Variants in TCTN2 observed in about 807,000 individuals in gnomAD.
TCTN2 encodes tectonic family member 2, also known as tectonic-2.
TCTN2 carries 66 observed loss-of-function variants against 83.4 expected under a neutral mutation model. That is an observed-to-expected ratio of 0.79 (90% CI 0.65 to 0.97). The LOEUF (loss-of-function observed/expected upper bound fraction) is 0.97. Among genes scored for constraint, TCTN2 ranks in the 50% least tolerant of loss-of-function variants. The pLI, the probability that TCTN2 is intolerant of heterozygous loss-of-function variation, is 0.00. For synonymous variants in TCTN2, 301 were observed against 326.7 expected (o/e 0.92, Z 0.85); for missense variants, 794 against 858.1 (o/e 0.93, Z 0.93).
chr12:123,707,203 A>C, intron 17 of TCTN2, 130 bp downstream of exon 17: 12 of 792,228 alleles, frequency 1.5e-5, no homozygotes, highest in Non-Finnish European at 2.5e-5. Context: ...TAATATTGCC[A>C]CTTGGAAGTG....
chr12:123,679,465 G>A (rs1955867355), intron 5 of TCTN2, among the ~76,000 whole-genome samples, 176 bp downstream of exon 5: 1 of 151,906 alleles, frequency 6.6e-6, no homozygotes, highest in Non-Finnish European at 1.5e-5. Flanking sequence ...GGGCTCAAGT[G>A]ATTCTCTTAC....
At chr12:123,683,523 T>C (rs958496681) in intron 5 of TCTN2, among the ~76,000 whole-genome samples, 61 of 152,224 alleles carry the variant, frequency 4.0e-4, no homozygotes, top group Admixed American at 4.0e-3. Flanking sequence ...TCAAGTGATC[T>C]GCCCACCTTG....
At chr12:123,685,395 A>G (rs893772608) in intron 5 of TCTN2, among the ~76,000 whole-genome samples, 4 of 152,190 alleles carry the variant, frequency 2.6e-5, no homozygotes, top group African/African-American at 7.2e-5. Context: ...TGAAACAAGG[A>G]AAAATACAGA....
At chr12:123,700,416 GC>G (rs1415238976) in intron 14 of TCTN2, among the ~76,000 whole-genome samples, 1 of 152,016 alleles carries the variant, frequency 6.6e-6, no homozygotes. Context: ...ATTGCTTGAG[GC>G]CAGTTTTTTT....
chr12:123,693,234 C>T (rs925374588), intron 9 of TCTN2, among the ~76,000 whole-genome samples: 1 of 151,544 alleles, frequency 6.6e-6, no homozygotes, highest in African/African-American at 2.4e-5. Context: ...CCCTGTTGGT[C>T]AGGCTGGTCT....
At chr12:123,686,433 C>T (rs1955968309) in intron 5 of TCTN2, among the ~76,000 whole-genome samples, 1 of 152,136 alleles carries the variant, frequency 6.6e-6, no homozygotes. Flanking sequence ...GAACGTTTCC[C>T]CTCACTCTAA....
intron 9 of TCTN2, 111 bp from the exon 10 acceptor site, chr12:123,694,731 G>C: frequency 8.9e-7 from 1 of 1,125,280 alleles, no homozygotes; most frequent in Non-Finnish European, 1.3e-6. Flanking sequence ...GAGATAGGGA[G>C]GGCAGGGGCA....
chr12:123,689,961 C>T (rs966905360), intron 7 of TCTN2, among the ~76,000 whole-genome samples: 7 of 151,988 alleles, frequency 4.6e-5, no homozygotes, highest in Admixed American at 6.6e-5. Flanking sequence ...CCATTATACC[C>T]GGTTAATTTT....
chr12:123,696,369 T>C (rs771801673), intron 11 of TCTN2, 46 bp from the exon 12 acceptor site: 2 of 1,485,412 alleles, frequency 1.3e-6, no homozygotes, highest in Non-Finnish European at 1.9e-6. Context: ...TAGGGCTTGC[T>C]ATGCTGGAGG....
intron 9 of TCTN2, among the ~76,000 whole-genome samples, chr12:123,693,576 C>T (rs1197250371): frequency 6.6e-6 from 1 of 150,874 alleles, no homozygotes. Flanking sequence ...CCTCAGTCTC[C>T]CAAGTAGCTG....
In TCTN2 at chr12:123,697,208, T is replaced by A; in HGVS notation, c.1505+10T>A. The A allele has an allele frequency of 6.4e-7, 1 of 1,564,570 alleles. No homozygotes were observed. Among genetic ancestry groups the A allele is most frequent in the Non-Finnish European group, 8.8e-7 (1 of 1,134,706 alleles). On this transcript the variant is annotated intron_variant, in intron 13 of 17. Transcript: ENST00000303372. ...ATTGTACTCAGCTCAGGTGAGTGTT[T>A]CATTGATGAATATATCGGCAATGTG... is the stretch of plus-strand genomic sequence containing the variant.
chr12:123,687,133 A>G (rs1955981745), intron 6 of TCTN2, 98 bp downstream of exon 6: 2 of 1,398,698 alleles, frequency 1.4e-6, no homozygotes, highest in South Asian at 1.2e-5. Flanking sequence ...GTTTTTCCCA[A>G]CCCCTCTCCA....
intron 5 of TCTN2, among the ~76,000 whole-genome samples, chr12:123,684,710 T>C (rs888563279): frequency 2.0e-5 from 3 of 152,058 alleles, no homozygotes; most frequent in African/African-American, 7.2e-5. Flanking sequence ...AATATTGTGA[T>C]TTTTACACTA....
At chr12:123,702,219 C>T (rs1389152953) in intron 14 of TCTN2, among the ~76,000 whole-genome samples, 4 of 152,172 alleles carry the variant, frequency 2.6e-5, no homozygotes, top group Non-Finnish European at 4.4e-5. Flanking sequence ...AATGAGTGTG[C>T]GCATCTGCTT....
At chr12:123,685,335 TAAAC>T (rs1955951377) in intron 5 of TCTN2, among the ~76,000 whole-genome samples, 1 of 152,216 alleles carries the variant, frequency 6.6e-6, no homozygotes, top group Non-Finnish European at 1.5e-5. Context: ...CTACTGTCAA[TAAAC>T]AAAGATTCAG....
intron 15 of TCTN2, among the ~76,000 whole-genome samples, 200 bp from the exon 16 acceptor site, chr12:123,706,526 A>C (rs1956231675): frequency 6.6e-6 from 1 of 152,252 alleles, no homozygotes; most frequent in African/African-American, 2.4e-5. Flanking sequence ...AGGGGTTATT[A>C]GGAGTTTCTC....
At chr12:123,685,502 T>G (rs1955953467) in intron 5 of TCTN2, among the ~76,000 whole-genome samples, 1 of 152,150 alleles carries the variant, frequency 6.6e-6, no homozygotes, top group South Asian at 2.1e-4. Flanking sequence ...CACTGCAACC[T>G]CTGCCTCCTG....
At chr12:123,706,951 T>C in intron 16 of TCTN2, 34 bp from the exon 17 acceptor site, 1 of 1,613,334 alleles carries the variant, frequency 6.2e-7, no homozygotes, top group Non-Finnish European at 8.5e-7. Context: ...ACTTCTCACT[T>C]GTAGTTTTTG....
Position 123,707,747 on chromosome 12 carries a change from G to A in TCTN2, c.*34G>A. 6.4e-7 allele frequency: 1 copy of A among 1,558,762 alleles called. No homozygotes were observed. The highest frequency in any genetic ancestry group is 8.8e-7 in the Non-Finnish European group (1 of 1,130,316). On this transcript the variant is annotated 3_prime_UTR_variant, in exon 18 of 18. Coordinates refer to ENST00000303372, the MANE Select transcript of TCTN2 (RefSeq NM_024809.5). The stretch of plus-strand genomic sequence containing the variant: ...CTGGCTTTTATTTTTTTGAGATGGA[G>A]TTTTGCTCTTGTTGCCCAGGCTGAA...
Sources: gnomAD v4.1 joint callset for allele counts (sites outside exome capture counted in the v4.1 genomes callset) on GRCh38, gnomAD v4.1.1 for gene constraint, MANE v1.5 for transcripts, NCBI Gene and HGNC (gene_info 2026-07-23, HGNC 2026-07-21) for gene names.